The following LIN7A variants were observed in gnomAD, a reference collection of about 807,000 sequenced individuals.
LIN7A encodes protein lin-7 homolog A.
Under a neutral mutation model 29.8 loss-of-function variants are expected in LIN7A, and 25 were observed. The observed-to-expected ratio is 0.84, with a 90% CI of 0.61 to 1.17. The LOEUF is 1.17. Ranked by LOEUF, LIN7A falls within the 50% of genes most tolerant of loss-of-function variation. LIN7A has a pLI of 0.00. For missense variants in LIN7A, 239 were observed against 287.0 expected (o/e 0.83, Z 1.21); for synonymous variants, 118 against 107.5 (o/e 1.10, Z -0.60).
intron 1 of LIN7A, among the ~76,000 whole-genome samples, chr12:80,910,995 A>G (rs1876718868): frequency 6.6e-6 from 1 of 152,204 alleles, no homozygotes. Flanking sequence ...GAATTCACCA[A>G]TGAAACTGTC....
chr12:80,879,609 C>T (rs2120569921), intron 2 of LIN7A, among the ~76,000 whole-genome samples: 1 of 122,686 alleles, frequency 8.2e-6, no homozygotes, highest in African/African-American at 2.9e-5. Flanking sequence ...GAACACTTTG[C>T]CTATGGGATA....
At chr12:80,827,061 C>G (rs1872113459) in intron 4 of LIN7A, among the ~76,000 whole-genome samples, 1 of 152,100 alleles carries the variant, frequency 6.6e-6, no homozygotes, top group African/African-American at 2.4e-5. Context: ...CCCTGAGCCT[C>G]TCAGTTCCCA....
chr12:80,906,775 A>G (rs1191302995), intron 1 of LIN7A, among the ~76,000 whole-genome samples: 1 of 152,090 alleles, frequency 6.6e-6, no homozygotes, highest in Non-Finnish European at 1.5e-5. Context: ...ACGACATGCA[A>G]TGTAGCCATG....
At chr12:80,914,862 G>C (rs780766833) in intron 1 of LIN7A, among the ~76,000 whole-genome samples, 2 of 152,092 alleles carry the variant, frequency 1.3e-5, no homozygotes, top group African/African-American at 4.8e-5. Context: ...GCAACATAGT[G>C]AGAATCTGAC....
chr12:80,893,099 G>A (rs922666096), intron 1 of LIN7A, among the ~76,000 whole-genome samples: 13 of 152,182 alleles, frequency 8.5e-5, no homozygotes, highest in African/African-American at 3.1e-4. Context: ...CCCAGAGAGA[G>A]AAAAGTGAAT....
intron 4 of LIN7A, among the ~76,000 whole-genome samples, chr12:80,835,544 G>T (rs1872561053): frequency 6.6e-6 from 1 of 152,110 alleles, no homozygotes; most frequent in Non-Finnish European, 1.5e-5. Context: ...TGGGCGGAGA[G>T]TCTAACTCTA....
intron 4 of LIN7A, among the ~76,000 whole-genome samples, chr12:80,819,480 G>A (rs1359796376): frequency 6.6e-6 from 1 of 152,128 alleles, no homozygotes; most frequent in Non-Finnish European, 1.5e-5. Context: ...CCATCATTCT[G>A]TTGCCACCAG....
intron 1 of LIN7A, among the ~76,000 whole-genome samples, chr12:80,914,218 A>G (rs1383875304): frequency 1.3e-5 from 2 of 152,248 alleles, no homozygotes; most frequent in African/African-American, 2.4e-5. Context: ...CCAAAGAATG[A>G]TCGGGTTCCG....
At chr12:80,881,835 C>T (rs1875059459) in intron 2 of LIN7A, among the ~76,000 whole-genome samples, 1 of 152,058 alleles carries the variant, frequency 6.6e-6, no homozygotes, top group Admixed American at 6.6e-5. Flanking sequence ...TTCTAGTTAT[C>T]CTTGGTTATC....
At chr12:80,903,312 T>C (rs187027660) in intron 1 of LIN7A, among the ~76,000 whole-genome samples, 69 of 152,100 alleles carry the variant, frequency 4.5e-4, no homozygotes, top group Admixed American at 9.8e-4. Context: ...GCTATTATTG[T>C]CTGATTGATG....
intron 1 of LIN7A, among the ~76,000 whole-genome samples, chr12:80,900,219 A>C (rs1279800358): frequency 4.0e-5 from 6 of 151,886 alleles, no homozygotes; most frequent in Non-Finnish European, 8.8e-5. Flanking sequence ...CAAGCTCCTG[A>C]ATTTGTTGAT....
At chr12:80,854,805 A>G (rs1353508361) in intron 2 of LIN7A, among the ~76,000 whole-genome samples, 1 of 152,182 alleles carries the variant, frequency 6.6e-6, no homozygotes, top group Non-Finnish European at 1.5e-5. Flanking sequence ...TTTAAGACAT[A>G]GGAAAGCAGA....
At chr12:80,840,366 T>C (rs969092719) in intron 4 of LIN7A, among the ~76,000 whole-genome samples, 1 of 152,234 alleles carries the variant, frequency 6.6e-6, no homozygotes, top group Non-Finnish European at 1.5e-5. Flanking sequence ...TCAGTTATGA[T>C]TGCAGTAAAG....
intron 2 of LIN7A, among the ~76,000 whole-genome samples, chr12:80,869,256 G>A (rs1048481518): frequency 6.6e-6 from 1 of 151,936 alleles, no homozygotes; most frequent in Non-Finnish European, 1.5e-5. Context: ...TCAAGTGAAC[G>A]CTTTGTGGGA....
chr12:80,882,598 A>G (rs1402401369), intron 2 of LIN7A, among the ~76,000 whole-genome samples: 2 of 152,012 alleles, frequency 1.3e-5, no homozygotes, highest in Admixed American at 6.6e-5. Flanking sequence ...CTTTCATTCT[A>G]ATACTTACAC....
chr12:80,891,534 G>T (rs892793834), intron 1 of LIN7A, among the ~76,000 whole-genome samples: 1 of 152,116 alleles, frequency 6.6e-6, no homozygotes, highest in Non-Finnish European at 1.5e-5. Flanking sequence ...ATTCATTTAT[G>T]CAGTAGTGCT....
intron 2 of LIN7A, among the ~76,000 whole-genome samples, chr12:80,867,397 G>A (rs1874197755): frequency 6.6e-6 from 1 of 152,112 alleles, no homozygotes; most frequent in South Asian, 2.1e-4. Flanking sequence ...CAGCCAGATT[G>A]ACCCACCTAG....
chr12:80,931,593 A>T (rs193252948), intron 1 of LIN7A, among the ~76,000 whole-genome samples: 68 of 151,240 alleles, frequency 4.5e-4, no homozygotes, highest in Non-Finnish European at 5.9e-4. Context: ...AGCCGAGATC[A>T]CACCACCACA....
At chr12:80,923,808 A>G (rs1470067727) in intron 1 of LIN7A, among the ~76,000 whole-genome samples, 1 of 152,214 alleles carries the variant, frequency 6.6e-6, no homozygotes, top group East Asian at 1.9e-4. Flanking sequence ...AGTTCTCAAG[A>G]ATCAACCAGA....
Sources: allele counts gnomAD v4.1 joint callset (sites outside exome capture counted in the v4.1 genomes callset), GRCh38; gene constraint gnomAD v4.1.1; transcripts MANE v1.5; gene names NCBI Gene and HGNC (gene_info 2026-07-23, HGNC 2026-07-21).